TDRD3: variants seen among roughly 807,000 people sequenced by gnomAD.
The protein encoded by TDRD3 is tudor domain-containing protein 3.
TDRD3 carries 45 observed loss-of-function variants against 86.7 expected under a neutral mutation model. The observed-to-expected ratio is 0.52, with a 90% CI of 0.41 to 0.67. The LOEUF (loss-of-function observed/expected upper bound fraction) is 0.67, where lower values mean the gene tolerates loss of function less well. Among genes scored for constraint, TDRD3 ranks in the 30% least tolerant of loss-of-function variants. TDRD3 has a pLI of 0.00. For missense variants in TDRD3, 814 were observed against 889.0 expected, an observed-to-expected ratio of 0.92 and a Z score of 1.07; for synonymous variants, 298 against 301.7, an observed-to-expected ratio of 0.99 and a Z score of 0.13.
intron 8 of TDRD3, among the ~76,000 whole-genome samples, chr13:60,497,912 G>A (rs1429857328): frequency 6.6e-6 from 1 of 152,112 alleles, no homozygotes; most frequent in East Asian, 1.9e-4. Context: ...GCAACATTGA[G>A]TTGGATCAGG....
chr13:60,516,027 G>A lies in TDRD3; in HGVS notation c.1141+5272G>A, dbSNP rs564684353. 1.3e-3 allele frequency among the ~76,000 whole-genome samples: 196 copies of A among 152,174 alleles called. 4 individuals carry two copies. The highest frequency in any genetic ancestry group is 5.9e-4 in the Non-Finnish European group (40 of 68,024). On this transcript the variant is annotated intron_variant, in intron 10 of 13. Transcript: ENST00000377881. ...GATCTTATTTATGTTCATATTAGCAGCATCATTTATTTGGGTCTGTTATAG... is the reference window on the plus strand; with the variant it reads ...GATCTTATTTATGTTCATATTAGCAACATCATTTATTTGGGTCTGTTATAG...
intron 12 of TDRD3, among the ~76,000 whole-genome samples, chr13:60,556,005 C>T (rs1595114405): frequency 6.6e-6 from 1 of 152,088 alleles, no homozygotes; most frequent in African/African-American, 2.4e-5. Context: ...CGCCCGCCAC[C>T]ATGCCCAGCT....
intron 12 of TDRD3, among the ~76,000 whole-genome samples, chr13:60,555,848 C>CTTTTTTTTTT (rs770710929): frequency 7.3e-6 from 1 of 136,138 alleles, no homozygotes; most frequent in Non-Finnish European, 1.6e-5. Flanking sequence ...CAACCTATTT[C>CTTTTTTTTTT]TTTCTTTTTT....
chr13:60,524,514 A>T (rs137904879), intron 10 of TDRD3, among the ~76,000 whole-genome samples: 1,535 of 151,816 alleles, frequency 0.01, 17 homozygotes, highest in African/African-American at 0.025. Context: ...CTCAAAAAAA[A>T]AAATAAATAA....
intron 1 of TDRD3, among the ~76,000 whole-genome samples, chr13:60,401,985 C>T (rs1954114524): frequency 6.6e-6 from 1 of 152,148 alleles, no homozygotes; most frequent in African/African-American, 2.4e-5. Flanking sequence ...GTGATTATTG[C>T]ACTCTTGTAT....
intron 13 of TDRD3, 77 bp downstream of exon 13, chr13:60,567,727 A>ATT: frequency 6.5e-7 from 1 of 1,545,342 alleles, no homozygotes; most frequent in Non-Finnish European, 8.8e-7. Flanking sequence ...CCAATTAGTG[A>ATT]TTTTTTTTTC....
chr13:60,544,470 AAAAAG>A (rs1485053105), intron 12 of TDRD3, among the ~76,000 whole-genome samples: 3 of 151,668 alleles, frequency 2.0e-5, no homozygotes, highest in South Asian at 2.1e-4. Flanking sequence ...GAAAGAAAGA[AAAAAG>A]AAAAGAAAAA....
rs74549590 is a variant in TDRD3 at position 60,546,011 on chromosome 13, A to G, written c.2118+10778A>G. Among the ~76,000 whole-genome samples, 1,215 of 152,068 alleles carry G rather than the reference A, an allele frequency of 8.0e-3. 17 individuals carry two copies. The highest frequency in any genetic ancestry group is 0.028 in the African/African-American group (1,153 of 41,500). On this transcript the variant is annotated intron_variant, in intron 12 of 13. Transcript: ENST00000377881. ...GTCATGTGGCTTTTATATAGGTTGC[A>G]TATTTTCCAACTCAGGACTAGTGCT...
chr13:60,529,084 A>G lies in TDRD3; in HGVS notation c.1859A>G (p.Tyr620Cys). ...TAVPCDDKIFYNSGPKRRSGP... is the reference protein window; with the variant it reads ...TAVPCDDKIFCNSGPKRRSGP... ...GTACCCTGTGATGATAAAATATTTT[A>G]CAATAGTGGGCCCAAACGAAGATCT... The change falls in exon 11 of 14, where the codon TAC (tyrosine) becomes TGC (cysteine). Residue 620 changes from tyrosine (Y) to cysteine (C), a missense_variant. Coordinates refer to ENST00000377881, the MANE Select transcript of TDRD3 (RefSeq NM_001146070.2). The G allele has an allele frequency of 6.2e-7, 1 of 1,614,060 alleles. No individual in the cohort carries two copies. The highest frequency in any genetic ancestry group is 1.7e-5 in the Admixed American group (1 of 60,012).
chr13:60,562,676 AG>A (rs1276602353), intron 12 of TDRD3, among the ~76,000 whole-genome samples: 5 of 152,262 alleles, frequency 3.3e-5, no homozygotes, highest in African/African-American at 1.2e-4. Flanking sequence ...ACTATTGCAG[AG>A]TACACTGAAT....
rs183658461 is a variant in TDRD3, at chr13:60,501,828, G to A, written c.858+7253G>A. Among the ~76,000 whole-genome samples, 11 of 152,248 alleles carry A rather than the reference G, an allele frequency of 7.2e-5. No individual in the cohort carries two copies. In the East Asian group the frequency reaches 1.9e-3, roughly 27 times the overall value. The stretch of plus-strand genomic sequence containing the variant: ...CTTTATAACCTTATTTGCATAGCCA[G>A]GGTGTGACATGTTACCAAACCCAAT... On this transcript the variant is annotated intron_variant, in intron 8 of 13. Coordinates refer to ENST00000377881, the MANE Select transcript of TDRD3 (RefSeq NM_001146070.2).
At chr13:60,520,384 G>C (rs951272182) in intron 10 of TDRD3, among the ~76,000 whole-genome samples, 2 of 151,934 alleles carry the variant, frequency 1.3e-5, no homozygotes, top group African/African-American at 4.8e-5. Context: ...GTTGATTATG[G>C]CTTTACTTAG....
In TDRD3 at chr13:60,444,790, A is replaced by G. The variant is rs1955361055; in HGVS notation, c.192+42A>G. 1.2e-5 allele frequency: 14 copies of G among 1,142,880 alleles called. No individual in the cohort carries two copies. The East Asian group carries it at 3.9e-4, about 32-fold the overall frequency. 70.8% of individuals were successfully genotyped at this position (1,142,880 alleles called of 1,614,324 possible). A position where few individuals can be genotyped will look rare whatever the true frequency, so the allele number is the denominator to read the frequency against. On this transcript the variant is annotated intron_variant, in intron 3 of 13. Transcript: ENST00000377881. Reference sequence around the variant, plus strand: ...ACTTCTTACATTAATTAATTTAGTTACAATAAATATGAACTAAATTACTGG... The same window carrying G: ...ACTTCTTACATTAATTAATTTAGTTGCAATAAATATGAACTAAATTACTGG...
chr13:60,570,313 T>C (rs928102826), intron 13 of TDRD3, among the ~76,000 whole-genome samples: 1 of 152,178 alleles, frequency 6.6e-6, no homozygotes, highest in Non-Finnish European at 1.5e-5. Flanking sequence ...GAAAAAATAC[T>C]CAACATCATT....
intron 8 of TDRD3, among the ~76,000 whole-genome samples, chr13:60,501,030 G>C (rs1332309985): frequency 6.6e-6 from 1 of 152,162 alleles, no homozygotes; most frequent in Non-Finnish European, 1.5e-5. Context: ...CCTGGCTATG[G>C]CCAGTGACTA....
intron 12 of TDRD3, among the ~76,000 whole-genome samples, chr13:60,553,862 A>G (rs1958124500): frequency 6.6e-6 from 1 of 152,172 alleles, no homozygotes; most frequent in Admixed American, 6.5e-5. Context: ...CTATATCACA[A>G]TGTTACTAAT....
chr13:60,463,358 G>C lies in TDRD3; in HGVS notation c.353+2818G>C, dbSNP rs111228041. Reference sequence around the variant, plus strand: ...GTCGGTGTGACAAGAGCAAAATTCTGGCTCAAAAAAAAAAAAAAAAAAAAG... The same window carrying C: ...GTCGGTGTGACAAGAGCAAAATTCTCGCTCAAAAAAAAAAAAAAAAAAAAG... On this transcript the variant is annotated intron_variant, in intron 4 of 13. Coordinates refer to ENST00000377881, the MANE Select transcript of TDRD3 (RefSeq NM_001146070.2). Among the ~76,000 whole-genome samples, 458 of 125,552 alleles carry C rather than the reference G, an allele frequency of 3.6e-3. 4 individuals are homozygous for C. The highest frequency in any genetic ancestry group is 0.012 in the African/African-American group (435 of 37,094). 82.4% of individuals were successfully genotyped at this position (125,552 alleles called of 152,430 possible). A position where few individuals can be genotyped will look rare whatever the true frequency, so the allele number is the denominator to read the frequency against.
rs1259380702 is a variant in TDRD3, at chr13:60,541,714, G to GTTTTT, written c.2118+6482_2118+6483insTTTTT. Among the ~76,000 whole-genome samples the GTTTTT allele has an allele frequency of 2.8e-4, 12 of 42,994 alleles. No individual in the cohort carries two copies. The South Asian group carries it at 3.1e-3, about 11-fold the overall frequency. 28.2% of individuals were successfully genotyped at this position (42,994 alleles called of 152,430 possible). A position where few individuals can be genotyped will look rare whatever the true frequency, so the allele number is the denominator to read the frequency against. On this transcript the variant is annotated intron_variant, in intron 12 of 13. Transcript: ENST00000377881. Reference sequence around the variant, plus strand: ...ATAGATGGATTTTTCCTTCAGCATAGTCTTTTTTTTTTTTTTTTTTTTTTT... The same window carrying GTTTTT: ...ATAGATGGATTTTTCCTTCAGCATAGTTTTTTCTTTTTTTTTTTTTTTTTTTTTTT...
At chr13:60,402,884 G>T (rs1954139771) in intron 1 of TDRD3, among the ~76,000 whole-genome samples, 1 of 151,914 alleles carries the variant, frequency 6.6e-6, no homozygotes, top group South Asian at 2.1e-4. Flanking sequence ...GATTTTAGTG[G>T]AGCTTATTGG....
Sources: allele counts gnomAD v4.1 joint callset (sites outside exome capture counted in the v4.1 genomes callset), GRCh38; gene constraint gnomAD v4.1.1; transcripts MANE v1.5; gene names NCBI Gene and HGNC (gene_info 2026-07-23, HGNC 2026-07-21).